NEDD4L: variants seen among roughly 807,000 people sequenced by gnomAD.
The protein encoded by NEDD4L is NEDD4 like E3 ubiquitin protein ligase.
A neutral mutation model predicts 148.9 loss-of-function variants in NEDD4L; 54 were observed. The ratio of observed to expected loss-of-function variants is 0.36; its 90% confidence interval spans 0.29 to 0.45. The LOEUF is 0.45. NEDD4L is among the 20% of genes least tolerant of loss of function. The pLI, the probability that NEDD4L is intolerant of heterozygous loss-of-function variation, is 1.00. For synonymous variants in NEDD4L, 433 were observed against 440.7 expected (o/e 0.98, Z 0.22); for missense variants, 856 against 1,233.8 (o/e 0.69, Z 4.59).
chr18:58,156,501 TTGAG>T (rs1599182311), intron 1 of NEDD4L, among the ~76,000 whole-genome samples: 1 of 152,218 alleles, frequency 6.6e-6, no homozygotes, highest in Admixed American at 6.5e-5. Flanking sequence ...TCTTCTTAGA[TTGAG>T]TTTTTGGCTC....
chr18:58,298,000 A>T (rs1011265601), intron 5 of NEDD4L, among the ~76,000 whole-genome samples: 3 of 152,182 alleles, frequency 2.0e-5, no homozygotes, highest in African/African-American at 7.2e-5. Flanking sequence ...TTCTCCAGTA[A>T]AATAGCAGTT....
chr18:58,384,239 T>C lies in NEDD4L; in HGVS notation c.2426+920T>C, dbSNP rs1319628482. Among the ~76,000 whole-genome samples the C allele has an allele frequency of 4.2e-4, 64 of 152,178 alleles. 1 individual carries two copies. The highest frequency in any genetic ancestry group is 4.4e-5 in the Non-Finnish European group (3 of 68,038). On this transcript the variant is annotated intron_variant, in intron 25 of 30. Coordinates refer to ENST00000400345, the MANE Select transcript of NEDD4L (RefSeq NM_001144967.3). Reference sequence around the variant, plus strand: ...AGAAAAACCTACTGTCCTTCCTAATTAGGAAGAAACGGAGCGTGTTAGAGT... The same window carrying C: ...AGAAAAACCTACTGTCCTTCCTAATCAGGAAGAAACGGAGCGTGTTAGAGT...
intron 5 of NEDD4L, among the ~76,000 whole-genome samples, chr18:58,262,465 C>CA (rs944618927): frequency 6.6e-6 from 1 of 151,982 alleles, no homozygotes; most frequent in African/African-American, 2.4e-5. Context: ...CTCATCTCTA[C>CA]AAAAAATACA....
At chr18:58,305,515 T>C (rs917611750) in intron 5 of NEDD4L, among the ~76,000 whole-genome samples, 5 of 152,182 alleles carry the variant, frequency 3.3e-5, no homozygotes, top group Non-Finnish European at 7.3e-5. Flanking sequence ...TCTGCTCCAG[T>C]ACCTGCTGGT....
At chr18:58,346,274 A>G (rs114330703) in intron 16 of NEDD4L, among the ~76,000 whole-genome samples, 2,228 of 152,306 alleles carry the variant, frequency 0.015, 60 homozygotes, top group African/African-American at 0.051. Flanking sequence ...GAAACCTTGT[A>G]AGCACTGACA....
At chr18:58,194,718 G>A (rs2040473659) in intron 2 of NEDD4L, among the ~76,000 whole-genome samples, 3 of 152,236 alleles carry the variant, frequency 2.0e-5, no homozygotes, top group Admixed American at 1.3e-4. Context: ...AAAAAAATGA[G>A]AGTAAAGAGG....
intron 13 of NEDD4L, among the ~76,000 whole-genome samples, chr18:58,340,613 A>C (rs563864515): frequency 6.6e-6 from 1 of 152,230 alleles, no homozygotes; most frequent in African/African-American, 2.4e-5. Context: ...AGAGCACCCC[A>C]TGGGAGCTAC....
At chr18:58,180,177 C>T (rs760099087) in intron 2 of NEDD4L, among the ~76,000 whole-genome samples, 5 of 152,176 alleles carry the variant, frequency 3.3e-5, no homozygotes, top group African/African-American at 9.7e-5. Flanking sequence ...CCCTGCAACG[C>T]ATCCCTCTCC....
At chr18:58,144,007 G>A (rs1415310255) in intron 1 of NEDD4L, among the ~76,000 whole-genome samples, 1 of 151,686 alleles carries the variant, frequency 6.6e-6, no homozygotes, top group African/African-American at 2.4e-5. Flanking sequence ...TATTTTTGTT[G>A]TTGTAATAGT....
intron 5 of NEDD4L, among the ~76,000 whole-genome samples, chr18:58,275,471 C>T (rs941346600): frequency 1.3e-4 from 20 of 152,070 alleles, no homozygotes; most frequent in African/African-American, 4.8e-4. Flanking sequence ...TCTTACTAGA[C>T]CAAAAAAGAA....
Position 58,215,823 on chromosome 18 carries a change from G to A in NEDD4L, c.123-29604G>A, listed in dbSNP as rs570177469. Among the ~76,000 whole-genome samples the A allele has an allele frequency of 9.2e-5, 14 of 151,974 alleles. No homozygotes were observed. The East Asian group carries it at 1.5e-3, about 17-fold the overall frequency. ...AGGAGAGAATGTATATTTATACTTC[G>A]CATCATAACATAGATATAGTCTATT... On this transcript the variant is annotated intron_variant, in intron 2 of 30. Transcript: ENST00000400345.
chr18:58,057,457 T>C (rs1411352346), intron 1 of NEDD4L, among the ~76,000 whole-genome samples: 2 of 152,130 alleles, frequency 1.3e-5, no homozygotes, highest in African/African-American at 4.8e-5. Flanking sequence ...TCTGGCAGCT[T>C]GCCTCTGCTG....
chr18:58,367,444 C>T (rs997450650), intron 21 of NEDD4L, among the ~76,000 whole-genome samples: 6 of 152,264 alleles, frequency 3.9e-5, no homozygotes, highest in Non-Finnish European at 7.3e-5. Flanking sequence ...TATTATGTGG[C>T]GTTTCTCATC....
chr18:58,390,815 C>A, intron 29 of NEDD4L, 73 bp downstream of exon 29: 1 of 1,090,770 alleles, frequency 9.2e-7, no homozygotes, highest in Non-Finnish European at 1.4e-6. Flanking sequence ...GGCCCAAGAA[C>A]CCTGCCGCCA....
At chr18:58,222,333 C>G (rs1437016111) in intron 2 of NEDD4L, among the ~76,000 whole-genome samples, 1 of 152,140 alleles carries the variant, frequency 6.6e-6, no homozygotes. Context: ...TGGCTTATAT[C>G]TGAATTTTTG....
chr18:58,164,993 C>T (rs1044308797), intron 1 of NEDD4L, among the ~76,000 whole-genome samples: 2 of 152,202 alleles, frequency 1.3e-5, no homozygotes, highest in South Asian at 2.1e-4. Context: ...CCTGAGTTAT[C>T]CTGGACTTCT....
At chr18:58,351,740 A>G (rs975328441) in intron 18 of NEDD4L, among the ~76,000 whole-genome samples, 3 of 152,238 alleles carry the variant, frequency 2.0e-5, no homozygotes, top group African/African-American at 4.8e-5. Context: ...CTGAAAAAGT[A>G]TATTAAAAAG....
intron 21 of NEDD4L, among the ~76,000 whole-genome samples, chr18:58,367,426 A>C (rs2046262890): frequency 6.6e-6 from 1 of 152,188 alleles, no homozygotes; most frequent in Non-Finnish European, 1.5e-5. Flanking sequence ...ATCCCTGCAC[A>C]GCCCCTTTAT....
intron 2 of NEDD4L, among the ~76,000 whole-genome samples, chr18:58,213,437 T>G (rs1484521694): frequency 1.3e-5 from 2 of 152,238 alleles, no homozygotes; most frequent in Non-Finnish European, 2.9e-5. Context: ...TATGAGAACT[T>G]GATGAATGAG....
Sources: allele counts gnomAD v4.1 joint callset (sites outside exome capture counted in the v4.1 genomes callset), GRCh38; gene constraint gnomAD v4.1.1; transcripts MANE v1.5; gene names NCBI Gene and HGNC (gene_info 2026-07-23, HGNC 2026-07-21).